Variants in PIK3C2G observed in about 807,000 individuals in gnomAD.
PIK3C2G encodes phosphatidylinositol-4-phosphate 3-kinase catalytic subunit type 2 gamma.
PIK3C2G carries 168 observed loss-of-function variants against 181.1 expected under a neutral mutation model. The ratio of observed to expected loss-of-function variants is 0.93; its 90% CI spans 0.82 to 1.05. The LOEUF (loss-of-function observed/expected upper bound fraction) is 1.05, where lower values mean the gene tolerates loss of function less well. Ranked by LOEUF, PIK3C2G falls within the 50% of genes least tolerant of loss-of-function variation. The pLI, the probability that PIK3C2G is intolerant of heterozygous loss-of-function variation, is 0.00. For synonymous variants in PIK3C2G, 573 were observed against 592.2 expected (o/e 0.97, Z 0.47); for missense variants, 1,869 against 1,732.8 (o/e 1.08, Z -1.40).
chr12:18,611,774 T>C lies in PIK3C2G; in HGVS notation c.4182+2145T>C, dbSNP rs142706945. Reference sequence around the variant, plus strand: ...ACATCCATATTACCAGCAAATTCTGTCATTCTGCTTTCAAAATAAATCCAG... The same window carrying C: ...ACATCCATATTACCAGCAAATTCTGCCATTCTGCTTTCAAAATAAATCCAG... On this transcript the variant is annotated intron_variant, in intron 31 of 32. Coordinates refer to ENST00000538779, the MANE Select transcript of PIK3C2G (RefSeq NM_001288772.2). 9.7e-3 allele frequency among the ~76,000 whole-genome samples: 1,479 copies of C among 152,198 alleles called. 12 individuals carry two copies. The highest frequency in any genetic ancestry group is 0.037 in the Middle Eastern group (11 of 294).
the PIK3C2G span, chr12:18,688,313 G>A: frequency 9.1e-6 from 12 of 1,314,600 alleles, no homozygotes; most frequent in Non-Finnish European, 1.3e-5. Flanking sequence ...AAAAGTTGAT[G>A]GACTCTAAGT....
chr12:18,646,851 C>T (rs1427934298), intron 32 of PIK3C2G, among the ~76,000 whole-genome samples: 2 of 151,816 alleles, frequency 1.3e-5, no homozygotes, highest in Admixed American at 6.6e-5. Context: ...TGCAGGTTGC[C>T]GATGGACCTG....
At chr12:18,485,058 G>GTTTC (rs1939901797) in intron 18 of PIK3C2G, among the ~76,000 whole-genome samples, 1 of 152,130 alleles carries the variant, frequency 6.6e-6, no homozygotes, top group Non-Finnish European at 1.5e-5. Flanking sequence ...ACTGGATGTT[G>GTTTC]TTTCCTCTCT....
At chr12:18,342,836 T>A (rs1026995157) in intron 9 of PIK3C2G, among the ~76,000 whole-genome samples, 2 of 152,050 alleles carry the variant, frequency 1.3e-5, no homozygotes, top group Non-Finnish European at 2.9e-5. Flanking sequence ...ATTTTATTTT[T>A]TCAAGTGTTA....
At chr12:18,577,372 T>C (rs1946286312) in intron 29 of PIK3C2G, among the ~76,000 whole-genome samples, 1 of 152,184 alleles carries the variant, frequency 6.6e-6, no homozygotes, top group African/African-American at 2.4e-5. Context: ...CATTTACAAA[T>C]GTGCTAATTA....
chr12:18,698,092 A>G, the PIK3C2G span, among the ~76,000 whole-genome samples: 1 of 152,100 alleles, frequency 6.6e-6, no homozygotes. Flanking sequence ...CATGAACAAC[A>G]TGAAGGAACA....
intron 2 of PIK3C2G, among the ~76,000 whole-genome samples, chr12:18,284,818 T>C (rs572840711): frequency 6.6e-6 from 1 of 152,108 alleles, no homozygotes; most frequent in South Asian, 2.1e-4. Flanking sequence ...CTGTAGAAAT[T>C]AGCCAAACTG....
At chr12:18,686,822 G>A in the PIK3C2G span, among the ~76,000 whole-genome samples, 1 of 152,006 alleles carries the variant, frequency 6.6e-6, no homozygotes, top group Non-Finnish European at 1.5e-5. Flanking sequence ...TTACTACTCA[G>A]CACAAGGCTT....
intron 14 of PIK3C2G, among the ~76,000 whole-genome samples, chr12:18,387,307 G>T (rs1268816782): frequency 6.6e-6 from 1 of 152,054 alleles, no homozygotes; most frequent in Non-Finnish European, 1.5e-5. Flanking sequence ...ATCTGAACCT[G>T]CCAGTTCCCT....
chr12:18,634,300 A>C (rs550408829), intron 31 of PIK3C2G, among the ~76,000 whole-genome samples: 1 of 152,318 alleles, frequency 6.6e-6, no homozygotes, highest in East Asian at 1.9e-4. Context: ...ATAAAGGATA[A>C]GTTGTTGCAG....
intron 1 of PIK3C2G, among the ~76,000 whole-genome samples, chr12:18,249,730 C>G (rs1312663760): frequency 2.0e-5 from 3 of 151,718 alleles, no homozygotes; most frequent in Non-Finnish European, 4.4e-5. Flanking sequence ...ATTTAGCAAC[C>G]AGGATTATAA....
Position 18,647,453 on chromosome 12 carries a change from GAA to G in PIK3C2G, c.4309-410_4309-409del, listed in dbSNP as rs34107109. Among the ~76,000 whole-genome samples, 52 of 127,704 alleles carry G rather than the reference GAA, an allele frequency of 4.1e-4. No homozygotes were observed. The East Asian group carries it at 4.2e-3, about 10-fold the overall frequency. The allele number at this position is 127,704 out of a possible 152,430, so 83.8% of individuals were successfully genotyped here. A position where few individuals can be genotyped will look rare whatever the true frequency, so the allele number is the denominator to read the frequency against. ...CATCTATTCCCCTGAATCTAAAATT[GAA>G]AAAAAAAAAAAATAGTCTGCTTTTC... On this transcript the variant is annotated intron_variant, in intron 32 of 32. Coordinates refer to ENST00000538779, the MANE Select transcript of PIK3C2G (RefSeq NM_001288772.2).
chr12:18,558,180 G>A (rs906764981), intron 26 of PIK3C2G, among the ~76,000 whole-genome samples: 7 of 152,074 alleles, frequency 4.6e-5, no homozygotes, highest in African/African-American at 1.2e-4. Flanking sequence ...GCAACAAAAC[G>A]AGGAGGCCAG....
At chr12:18,481,155 C>T (rs971111506) in intron 18 of PIK3C2G, among the ~76,000 whole-genome samples, 1 of 151,964 alleles carries the variant, frequency 6.6e-6, no homozygotes, top group Non-Finnish European at 1.5e-5. Context: ...AGGATGGTCT[C>T]GATGTCTTGA....
chr12:18,377,269 A>G (rs186886192), intron 13 of PIK3C2G, among the ~76,000 whole-genome samples: 2 of 152,296 alleles, frequency 1.3e-5, no homozygotes, highest in East Asian at 1.9e-4. Flanking sequence ...AAACCAGCCC[A>G]TCTGTTCTCC....
Position 18,275,816 on chromosome 12 carries a change from A to C in PIK3C2G, c.-78-6188A>C, listed in dbSNP as rs192686497. 4.9e-4 allele frequency among the ~76,000 whole-genome samples: 74 copies of C among 152,338 alleles called. No homozygotes were observed. In the East Asian group the frequency reaches 0.012, roughly 25 times the overall value. On this transcript the variant is annotated intron_variant, in intron 1 of 32. Coordinates refer to ENST00000538779, the MANE Select transcript of PIK3C2G (RefSeq NM_001288772.2). ...TCTCAAATCTGTCAGAAAAACTGTT[A>C]CTTCCTTCAAGTTAGCTTAGGAATC...
chr12:18,565,727 T>G (rs79463160), intron 28 of PIK3C2G, among the ~76,000 whole-genome samples: 6,563 of 152,262 alleles, frequency 0.043, 317 homozygotes, highest in African/African-American at 0.12. Context: ...TCAACTTTCA[T>G]GTACTCATTT....
At chr12:18,582,280 A>T (rs1303594202) in intron 29 of PIK3C2G, among the ~76,000 whole-genome samples, 1 of 152,098 alleles carries the variant, frequency 6.6e-6, no homozygotes, top group East Asian at 1.9e-4. Flanking sequence ...GCCCACTCAG[A>T]AGTAACACAG....
chr12:18,443,415 T>G (rs969722763), intron 18 of PIK3C2G, among the ~76,000 whole-genome samples: 4 of 152,096 alleles, frequency 2.6e-5, no homozygotes, highest in Admixed American at 2.6e-4. Flanking sequence ...GTGATGTGAA[T>G]GTATTGTACT....
Sources: allele counts gnomAD v4.1 joint callset (sites outside exome capture counted in the v4.1 genomes callset), GRCh38; gene constraint gnomAD v4.1.1; transcripts MANE v1.5; gene names NCBI Gene and HGNC (gene_info 2026-07-23, HGNC 2026-07-21).